Variants in ZC3H8 observed in about 807,000 individuals in gnomAD.
ZC3H8 encodes zinc finger CCCH domain-containing protein 8.
A neutral mutation model predicts 42.5 loss-of-function variants in ZC3H8; 27 were observed. That is an observed-to-expected ratio of 0.64 (90% CI 0.47 to 0.88). The LOEUF (loss-of-function observed/expected upper bound fraction) is 0.88, where lower values mean the gene tolerates loss of function less well. Ranked by LOEUF, ZC3H8 falls within the 40% of genes least tolerant of loss-of-function variation. The probability of loss-of-function intolerance (pLI) is 0.00; values close to 1 mark genes in which losing one functional copy is unlikely to be tolerated. For missense variants in ZC3H8, 277 were observed against 336.1 expected (o/e 0.82, Z 1.37); for synonymous variants, 101 against 110.1 (o/e 0.92, Z 0.52).
chr2:112,223,895 C>A (rs1032558870), intron 8 of ZC3H8, among the ~76,000 whole-genome samples: 1 of 152,184 alleles, frequency 6.6e-6, no homozygotes, highest in African/African-American at 2.4e-5. Flanking sequence ...GTAATCCCAG[C>A]ACTTTGGGAG....
In ZC3H8 at chr2:112,231,903, G is replaced by T; in HGVS notation, c.778C>A (p.Gln260Lys). ...KFYHTGTKCY[Q>K]GEYCKFSHAP... is the part of the protein sequence containing the mutation. ...TGAGAAAACTTGCAGTATTCTCCCT[G>T]ATAACATTTTGTTCCTGTATGGTAA... The change falls in exon 7 of 9, where the codon CAG becomes AAG. Residue 260 changes from glutamine to lysine, a missense_variant. Transcript: ENST00000409573. 6.3e-7 allele frequency: 1 copy of T among 1,587,344 alleles called. No individual in the cohort carries two copies. The highest frequency in any genetic ancestry group is 8.6e-7 in the Non-Finnish European group (1 of 1,163,210).
At position 112,249,873 on chromosome 2, in the gene ZC3H8, A is replaced by C. The variant is rs181810300; in HGVS notation, c.156+318T>G. On this transcript the variant is annotated intron_variant, in intron 2 of 8. Coordinates refer to ENST00000409573, the MANE Select transcript of ZC3H8 (RefSeq NM_032494.3). Reference sequence around the variant, plus strand: ...CAAATCATAACCCTCAAAAATGTTAACCCAACTTGAAAGAAGCTTTTGAAA... The same window carrying C: ...CAAATCATAACCCTCAAAAATGTTACCCCAACTTGAAAGAAGCTTTTGAAA... Among the ~76,000 whole-genome samples, 593 of 152,352 alleles carry C rather than the reference A, an allele frequency of 3.9e-3. 4 individuals are homozygous for C. The highest frequency in any genetic ancestry group is 0.014 in the African/African-American group (570 of 41,578).
intron 6 of ZC3H8, among the ~76,000 whole-genome samples, chr2:112,232,758 T>C (rs559399725): frequency 6.6e-6 from 1 of 152,244 alleles, no homozygotes; most frequent in Non-Finnish European, 1.5e-5. Flanking sequence ...TTTTTTGTGA[T>C]GACTAAAGGT....
chr2:112,247,872 G>T (rs1315757079), intron 2 of ZC3H8, among the ~76,000 whole-genome samples: 1 of 152,210 alleles, frequency 6.6e-6, no homozygotes, highest in Non-Finnish European at 1.5e-5. Context: ...AAACTTGTGG[G>T]AAGTTGAAGT....
intron 1 of ZC3H8, among the ~76,000 whole-genome samples, chr2:112,251,330 A>C (rs149054530): frequency 9.6e-4 from 146 of 152,340 alleles, no homozygotes; most frequent in African/African-American, 3.2e-3. Flanking sequence ...TGTCCAATTC[A>C]ACAGTTTACA....
At chr2:112,235,689 T>G (rs868328542) in intron 4 of ZC3H8, among the ~76,000 whole-genome samples, 10 of 152,228 alleles carry the variant, frequency 6.6e-5, no homozygotes, top group African/African-American at 2.2e-4. Context: ...TATTCTACCC[T>G]GCTTACATCT....
chr2:112,246,677 A>G (rs904260248), intron 2 of ZC3H8, among the ~76,000 whole-genome samples: 1 of 152,250 alleles, frequency 6.6e-6, no homozygotes, highest in African/African-American at 2.4e-5. Context: ...CTTACAAGTG[A>G]ACAATGTGGT....
intron 1 of ZC3H8, 96 bp downstream of exon 1, chr2:112,254,812 C>G: frequency 7.0e-7 from 1 of 1,423,790 alleles, no homozygotes; most frequent in Non-Finnish European, 9.5e-7. Context: ...CGACGCGGCC[C>G]GGACGTGGCC....
chr2:112,215,014 GC>G lies in ZC3H8; in HGVS notation c.*1469del, dbSNP rs1412644672. On this transcript the variant is annotated 3_prime_UTR_variant, in exon 9 of 9. Coordinates refer to ENST00000409573, the MANE Select transcript of ZC3H8 (RefSeq NM_032494.3). ...TAAGTTTACAAGTGAGATGGGTACTGCCTCAGAAATATAACAATTATTTTTT... is the reference window on the plus strand; with the variant it reads ...TAAGTTTACAAGTGAGATGGGTACTGCTCAGAAATATAACAATTATTTTTT... 1.3e-5 allele frequency: 2 copies of G among 151,936 alleles called. No homozygotes were observed. The highest frequency in any genetic ancestry group is 4.8e-5 in the African/African-American group (2 of 41,348). The allele number at this position is 151,936 out of a possible 1,614,324, so 9.4% of individuals were successfully genotyped here.
At position 112,236,672 on chromosome 2, in the gene ZC3H8, G is replaced by A. The variant is rs765271218; in HGVS notation, c.394C>T (p.Leu132Phe). ...PQAAKQKNKN[L>F]KAGHKNGKQK... The stretch of plus-strand genomic sequence containing the variant: ...TTGCCATTCTTGTGACCAGCTTTAA[G>A]ATTTTTATTTTTTTGTTTAGCAGCT... Residue 132 changes from leucine to phenylalanine, a missense_variant, in exon 4 of 9, where the codon CTT becomes TTT. Leu to Phe is a conservative substitution (Grantham distance 22). Coordinates refer to ENST00000409573, the MANE Select transcript of ZC3H8 (RefSeq NM_032494.3). The A allele has an allele frequency of 1.2e-6, 2 of 1,611,840 alleles. No individual in the cohort carries two copies. The highest frequency in any genetic ancestry group is 1.7e-6 in the Non-Finnish European group (2 of 1,179,216).
intron 8 of ZC3H8, among the ~76,000 whole-genome samples, chr2:112,229,325 A>AT (rs1296803411): frequency 6.6e-6 from 1 of 152,072 alleles, no homozygotes; most frequent in African/African-American, 2.4e-5. Flanking sequence ...TATTAGTATT[A>AT]TTTTTTCTTT....
intron 8 of ZC3H8, among the ~76,000 whole-genome samples, chr2:112,226,965 G>A (rs1684866876): frequency 6.6e-6 from 1 of 152,080 alleles, no homozygotes; most frequent in African/African-American, 2.4e-5. Flanking sequence ...CATCTCAACA[G>A]ATGCACAGAA....
intron 2 of ZC3H8, among the ~76,000 whole-genome samples, chr2:112,247,289 C>T (rs1025897121): frequency 6.6e-6 from 1 of 152,124 alleles, no homozygotes; most frequent in African/African-American, 2.4e-5. Flanking sequence ...TTTAAATAAG[C>T]TATAGCCAGC....
chr2:112,254,902 G>A lies in ZC3H8; in HGVS notation c.74+6C>T, dbSNP rs374276862. ...GCATTCAAAAGATGAAAAGATATGG[G>A]ATCACCTTTCGTCAGAGTCCGTGGC... is the stretch of plus-strand genomic sequence containing the variant. On this transcript the variant is annotated splice_donor_region_variant and intron_variant, in intron 1 of 8. Transcript: ENST00000409573. 1 of 1,613,116 alleles carries A rather than the reference G, an allele frequency of 6.2e-7. No homozygotes were observed. Among genetic ancestry groups the A allele is most frequent in the Admixed American group, 1.7e-5 (1 of 59,962 alleles).
intron 2 of ZC3H8, chr2:112,240,420 T>G (rs548629797): frequency 7.2e-5 from 11 of 152,342 alleles, no homozygotes; most frequent in African/African-American, 2.6e-4. Context: ...CCAAAAAGAT[T>G]ATTCAGTATG....
At chr2:112,234,616 C>A (rs1685236489) in intron 4 of ZC3H8, among the ~76,000 whole-genome samples, 2 of 152,064 alleles carry the variant, frequency 1.3e-5, no homozygotes, top group South Asian at 4.1e-4. Context: ...GCCTGGCCAA[C>A]ACAGTGAAAC....
At chr2:112,248,053 T>C (rs1281344934) in intron 2 of ZC3H8, among the ~76,000 whole-genome samples, 1 of 152,198 alleles carries the variant, frequency 6.6e-6, no homozygotes, top group Non-Finnish European at 1.5e-5. Context: ...AGGCTGGGCA[T>C]GGTGGCTCAC....
At chr2:112,254,231 C>A (rs1318243908) in intron 1 of ZC3H8, 1 of 855,196 alleles carries the variant, frequency 1.2e-6, no homozygotes, top group African/African-American at 1.8e-5. Context: ...GGTTTAAGAA[C>A]AAAGATGGTG....
chr2:112,239,518 A>G (rs945194494), intron 2 of ZC3H8, among the ~76,000 whole-genome samples: 2 of 152,124 alleles, frequency 1.3e-5, no homozygotes, highest in Non-Finnish European at 2.9e-5. Flanking sequence ...CAAACAGACA[A>G]AAAACAAAAC....
Sources: gnomAD v4.1 joint callset for allele counts (sites outside exome capture counted in the v4.1 genomes callset) on GRCh38, gnomAD v4.1.1 for gene constraint, MANE v1.5 for transcripts, NCBI Gene and HGNC (gene_info 2026-07-23, HGNC 2026-07-21) for gene names.